Variants in VKORC1L1 observed in about 807,000 individuals in gnomAD.
The protein encoded by VKORC1L1 is vitamin K epoxide reductase complex subunit 1-like protein 1.
In VKORC1L1, 2 loss-of-function variants were observed where a neutral mutation model predicts 18.9. The observed-to-expected ratio is 0.11, with a 90% CI of 0.04 to 0.33. The LOEUF (loss-of-function observed/expected upper bound fraction) is 0.33, where lower values mean the gene tolerates loss of function less well. Among genes scored for constraint, VKORC1L1 ranks in the 10% least tolerant of loss-of-function variants. The probability of loss-of-function intolerance (pLI) is 1.00; values close to 1 mark genes in which losing one functional copy is unlikely to be tolerated. For missense variants in VKORC1L1, 123 were observed against 224.1 expected (o/e 0.55, Z 2.88); for synonymous variants, 96 against 100.0 (o/e 0.96, Z 0.24).
At chr7:65,897,880 A>C (rs1170289516) in intron 1 of VKORC1L1, among the ~76,000 whole-genome samples, 1 of 152,142 alleles carries the variant, frequency 6.6e-6, no homozygotes, top group Non-Finnish European at 1.5e-5. Context: ...AAGAATGCAC[A>C]TAACTTTTGT....
chr7:65,905,372 G>A (rs200638915), intron 1 of VKORC1L1, among the ~76,000 whole-genome samples: 74 of 151,728 alleles, frequency 4.9e-4, no homozygotes, highest in East Asian at 3.7e-3. Flanking sequence ...GTGCAGTGGC[G>A]CGATCTCAGC....
At position 65,879,619 on chromosome 7, in the gene VKORC1L1, C is replaced by T. The variant is rs567467138; in HGVS notation, c.194+6054C>T. 4.0e-5 allele frequency among the ~76,000 whole-genome samples: 6 copies of T among 149,358 alleles called. No individual in the cohort carries two copies. The East Asian group carries it at 1.2e-3, about 30-fold the overall frequency. ...TGATTCTAACCCAGGCAGTCTGGCT[C>T]AAGAGTCCAAGCTCTTTACCACTAC... On this transcript the variant is annotated intron_variant, in intron 1 of 2. Coordinates refer to ENST00000360768, the MANE Select transcript of VKORC1L1 (RefSeq NM_173517.6).
At chr7:65,909,144 ATTT>A (rs58181516) in intron 1 of VKORC1L1, among the ~76,000 whole-genome samples, 9 of 122,604 alleles carry the variant, frequency 7.3e-5, no homozygotes, top group African/African-American at 1.2e-4. Flanking sequence ...GCCCAGCCTA[ATTT>A]TTTTTTTTTT....
intron 1 of VKORC1L1, among the ~76,000 whole-genome samples, chr7:65,877,889 T>C (rs1364618420): frequency 6.6e-6 from 1 of 152,126 alleles, no homozygotes; most frequent in African/African-American, 2.4e-5. Context: ...GTCCCCACTG[T>C]GGGCCCTGCA....
chr7:65,905,530 C>T (rs937094249), intron 1 of VKORC1L1, among the ~76,000 whole-genome samples: 2 of 152,064 alleles, frequency 1.3e-5, no homozygotes, highest in Non-Finnish European at 2.9e-5. Context: ...AGGATGGTCT[C>T]AATCTCCTGA....
intron 1 of VKORC1L1, among the ~76,000 whole-genome samples, chr7:65,905,141 T>C (rs550120110): frequency 2.0e-5 from 3 of 152,290 alleles, no homozygotes; most frequent in Admixed American, 6.5e-5. Flanking sequence ...ATTGGAATCA[T>C]GCTTTTTGTT....
chr7:65,935,663 T>C (rs903424232), intron 1 of VKORC1L1, among the ~76,000 whole-genome samples: 1 of 152,180 alleles, frequency 6.6e-6, no homozygotes. Flanking sequence ...TGTCTACTTA[T>C]ATAATGTGTC....
At chr7:65,870,630 A>G (rs1468858935), upstream of VKORC1L1, among the ~76,000 whole-genome samples, 1 of 152,222 alleles carries the variant, frequency 6.6e-6, no homozygotes, top group Non-Finnish European at 1.5e-5. Flanking sequence ...ACTATTCACA[A>G]TAGCATGGGT....
chr7:65,898,201 C>A (rs914504128), intron 1 of VKORC1L1, among the ~76,000 whole-genome samples: 1 of 147,170 alleles, frequency 6.8e-6, no homozygotes, highest in Non-Finnish European at 1.5e-5. Context: ...CAATTCTCTG[C>A]CTTAGCCTCC....
the VKORC1L1 span, among the ~76,000 whole-genome samples, chr7:65,867,315 T>G: frequency 5.3e-5 from 8 of 152,088 alleles, no homozygotes; most frequent in Non-Finnish European, 1.2e-4. Context: ...GGGGAAAATA[T>G]TGATTAAGGC....
chr7:65,947,170 A>G (rs1251819293), intron 1 of VKORC1L1, among the ~76,000 whole-genome samples: 2 of 152,038 alleles, frequency 1.3e-5, no homozygotes, highest in African/African-American at 4.8e-5. Context: ...AACAAAAAGG[A>G]TTGCATAATT....
chr7:65,901,689 T>G lies in VKORC1L1; in HGVS notation c.194+28124T>G, dbSNP rs113844967. Among the ~76,000 whole-genome samples, 326 of 152,182 alleles carry G rather than the reference T, an allele frequency of 2.1e-3. 1 individual carries two copies. Among genetic ancestry groups the G allele is most frequent in the African/African-American group, 7.5e-3 (313 of 41,508 alleles). Reference sequence around the variant, plus strand: ...GGGGGTTGGCGGGGAGGGAAGGTTGTCATCATTCGTGGGGCAGAGTACCAG... The same window carrying G: ...GGGGGTTGGCGGGGAGGGAAGGTTGGCATCATTCGTGGGGCAGAGTACCAG... On this transcript the variant is annotated intron_variant, in intron 1 of 2. Transcript: ENST00000360768.
intron 1 of VKORC1L1, among the ~76,000 whole-genome samples, chr7:65,923,728 A>G (rs1357964449): frequency 6.6e-6 from 1 of 152,180 alleles, no homozygotes; most frequent in Non-Finnish European, 1.5e-5. Flanking sequence ...GCTGCAAGAG[A>G]ATTCATATTG....
Position 65,873,499 on chromosome 7 carries a change from A to T in VKORC1L1, c.128A>T (p.Asp43Val). 6.3e-7 allele frequency: 1 copy of T among 1,593,052 alleles called. No individual in the cohort carries two copies. Among genetic ancestry groups the T allele is most frequent in the South Asian group, 1.1e-5 (1 of 89,700 alleles). Residue 43 changes from aspartate to valine, a missense_variant, in exon 1 of 3, where the codon GAC becomes GTC. Around this residue, in one of 4 missense-constraint regions of VKORC1L1, gnomAD observed 60 missense variants for 76.9 expected, o/e 0.78. Transcript: ENST00000360768. ...CACGTGGAGCGGGAGAAGGAGCGGG[A>T]CCCCGAGCACCGGGCCCTCTGCGAC... ...AYHVEREKERDPEHRALCDLG... is the reference protein window; with the variant it reads ...AYHVEREKERVPEHRALCDLG...
intron 1 of VKORC1L1, among the ~76,000 whole-genome samples, chr7:65,942,448 C>T (rs1049609145): frequency 6.8e-6 from 1 of 147,230 alleles, no homozygotes; most frequent in Non-Finnish European, 1.5e-5. Flanking sequence ...GCCAAGACCA[C>T]GCCACTGCAC....
At chr7:65,880,113 C>CA (rs759181712) in intron 1 of VKORC1L1, among the ~76,000 whole-genome samples, 1 of 152,136 alleles carries the variant, frequency 6.6e-6, no homozygotes, top group Non-Finnish European at 1.5e-5. Context: ...CTTGGCCTCC[C>CA]AAAGTGCTGA....
intron 1 of VKORC1L1, among the ~76,000 whole-genome samples, chr7:65,884,730 G>A (rs1335018201): frequency 6.6e-6 from 1 of 152,096 alleles, no homozygotes; most frequent in Non-Finnish European, 1.5e-5. Flanking sequence ...TTGCCAAATT[G>A]GGCATTCTCA....
chr7:65,873,048 C>A (rs1172756746), upstream of VKORC1L1, among the ~76,000 whole-genome samples: 1 of 146,192 alleles, frequency 6.8e-6, no homozygotes, highest in Admixed American at 6.7e-5. Context: ...CGCGACCGGC[C>A]GCGCGGCGCA....
intron 1 of VKORC1L1, among the ~76,000 whole-genome samples, chr7:65,891,776 C>T (rs945848796): frequency 6.6e-6 from 1 of 152,172 alleles, no homozygotes; most frequent in Non-Finnish European, 1.5e-5. Flanking sequence ...TACCCCATCA[C>T]CTGAATCATT....
Sources: gnomAD v4.1 joint callset for allele counts (sites outside exome capture counted in the v4.1 genomes callset) on GRCh38, gnomAD v4.1.1 for gene constraint, gnomAD v4.1.1 regional missense constraint, MANE v1.5 for transcripts, NCBI Gene and HGNC (gene_info 2026-07-23, HGNC 2026-07-21) for gene names.